The following GALNTL5 variants were observed in gnomAD, a reference collection of about 807,000 sequenced individuals.
GALNTL5 encodes polypeptide N-acetylgalactosaminyltransferase like 5.
In GALNTL5, 44 loss-of-function variants were observed where a neutral mutation model predicts 51.0. That is an observed-to-expected ratio of 0.86 (90% CI 0.68 to 1.11). The LOEUF is 1.11. Among genes scored for constraint, GALNTL5 ranks in the 50% least tolerant of loss-of-function variants. The pLI, the probability that GALNTL5 is intolerant of heterozygous loss-of-function variation, is 0.00. For synonymous variants in GALNTL5, 192 were observed against 182.8 expected (o/e 1.05, Z -0.41); for missense variants, 528 against 531.8 (o/e 0.99, Z 0.07).
intron 4 of GALNTL5, among the ~76,000 whole-genome samples, chr7:151,983,387 A>T (rs749506640): frequency 6.6e-6 from 1 of 152,120 alleles, no homozygotes; most frequent in African/African-American, 2.4e-5. Context: ...CATGTTGGTC[A>T]GGCTGGTCTC....
intron 3 of GALNTL5, among the ~76,000 whole-genome samples, chr7:151,978,227 A>G (rs761850583): frequency 6.6e-6 from 1 of 152,234 alleles, no homozygotes; most frequent in African/African-American, 2.4e-5. Context: ...TTTAATTTCT[A>G]TATAATTTAC....
At chr7:151,982,351 T>C (rs1338716921) in intron 3 of GALNTL5, among the ~76,000 whole-genome samples, 3 of 152,022 alleles carry the variant, frequency 2.0e-5, no homozygotes, top group East Asian at 3.9e-4. Flanking sequence ...GAGGCAGAGG[T>C]TGCAGTGAGC....
intron 4 of GALNTL5, among the ~76,000 whole-genome samples, chr7:151,983,897 G>A (rs1222885728): frequency 6.6e-6 from 1 of 152,136 alleles, no homozygotes; most frequent in African/African-American, 2.4e-5. Flanking sequence ...GCAGGGGGGA[G>A]GTGGGCAAAA....
intron 1 of GALNTL5, among the ~76,000 whole-genome samples, chr7:151,966,954 C>T (rs138655486): frequency 3.7e-4 from 57 of 152,244 alleles, no homozygotes; most frequent in African/African-American, 1.3e-3. Flanking sequence ...CCTATATGTA[C>T]ACGAGTATGG....
chr7:151,962,307 C>G (rs1202957641), intron 1 of GALNTL5, among the ~76,000 whole-genome samples: 1 of 151,904 alleles, frequency 6.6e-6, no homozygotes, highest in Non-Finnish European at 1.5e-5. Context: ...AGCCCACCTT[C>G]ATATTTTAAA....
intron 3 of GALNTL5, among the ~76,000 whole-genome samples, chr7:151,982,354 C>A (rs1274969944): frequency 2.0e-5 from 3 of 152,166 alleles, no homozygotes; most frequent in African/African-American, 7.2e-5. Flanking sequence ...GCAGAGGTTG[C>A]AGTGAGCCAA....
intron 1 of GALNTL5, among the ~76,000 whole-genome samples, chr7:151,965,626 C>G (rs1040118521): frequency 8.5e-5 from 13 of 152,138 alleles, no homozygotes; most frequent in African/African-American, 3.1e-4. Context: ...CACCTGTAAT[C>G]CCAACACTTT....
chr7:152,002,511 C>T (rs1004380085), intron 5 of GALNTL5, among the ~76,000 whole-genome samples: 4 of 152,176 alleles, frequency 2.6e-5, no homozygotes, highest in East Asian at 1.9e-4. Flanking sequence ...TACTGGCTTC[C>T]CCTCAACATC....
rs1228813380 is a variant in GALNTL5 at position 151,959,334 on chromosome 7, T to C, written c.-40+2725T>C. ...AAAATTTAGATATTTAATAGGGAGA[T>C]ATGGTGGTAATGTAAATTAAAACAG... On this transcript the variant is annotated intron_variant, in intron 1 of 8. Transcript: ENST00000392800. 2.6e-5 allele frequency among the ~76,000 whole-genome samples: 4 copies of C among 152,152 alleles called. No homozygotes were observed. The East Asian group carries it at 5.8e-4, about 22-fold the overall frequency.
chr7:151,987,175 A>G lies in GALNTL5; in HGVS notation c.552A>G (p.Lys184=). The change falls in exon 5 of 9, where the codon AAA becomes AAG. Residue 184 remains lysine, a synonymous_variant. Transcript: ENST00000392800. ...TTTTTCCAGATGATTTGAAAGAAAAACTAGACTATCACCTGGAAACTTTTC... is the reference window on the plus strand; with the variant it reads ...TTTTTCCAGATGATTTGAAAGAAAAGCTAGACTATCACCTGGAAACTTTTC... ...DMSKVDDLKE[K]LDYHLETFRG... 2 of 1,589,430 alleles carry G rather than the reference A, an allele frequency of 1.3e-6. No individual in the cohort carries two copies. Among genetic ancestry groups the G allele is most frequent in the Non-Finnish European group, 8.5e-7 (1 of 1,172,184 alleles).
At chr7:151,963,490 C>T (rs1314674664) in intron 1 of GALNTL5, among the ~76,000 whole-genome samples, 5 of 152,224 alleles carry the variant, frequency 3.3e-5, no homozygotes, top group Non-Finnish European at 7.3e-5. Context: ...CTCGGCCTCC[C>T]GGGTTCAAGC....
chr7:151,976,551 T>C (rs149608391), intron 3 of GALNTL5, among the ~76,000 whole-genome samples: 1,577 of 152,232 alleles, frequency 0.01, 13 homozygotes, highest in South Asian at 0.016. Context: ...CAGCATCAGT[T>C]AGGTCTTGTT....
At chr7:151,993,306 A>G (rs2151952162) in intron 5 of GALNTL5, among the ~76,000 whole-genome samples, 1 of 151,214 alleles carries the variant, frequency 6.6e-6, no homozygotes, top group Non-Finnish European at 1.5e-5. Flanking sequence ...TTTTCACTTT[A>G]CCAGACTCAT....
At chr7:152,011,560 T>C (rs2081739061) in intron 7 of GALNTL5, among the ~76,000 whole-genome samples, 1 of 152,188 alleles carries the variant, frequency 6.6e-6, no homozygotes. Context: ...AGAGAAGCCC[T>C]TTTCTCTGCC....
At chr7:151,983,955 C>T (rs1460653534) in intron 4 of GALNTL5, among the ~76,000 whole-genome samples, 1 of 152,148 alleles carries the variant, frequency 6.6e-6, no homozygotes. Flanking sequence ...TGGCTCACAC[C>T]TGCAATCCCA....
At chr7:152,006,554 A>C (rs2081645782) in intron 6 of GALNTL5, among the ~76,000 whole-genome samples, 1 of 152,146 alleles carries the variant, frequency 6.6e-6, no homozygotes. Flanking sequence ...CATCTCCAAA[A>C]TATGCCAGGA....
intron 6 of GALNTL5, among the ~76,000 whole-genome samples, chr7:152,005,441 C>A (rs2081631269): frequency 6.6e-6 from 1 of 152,166 alleles, no homozygotes; most frequent in African/African-American, 2.4e-5. Context: ...GCCTGCACAC[C>A]AAATGGACGG....
intron 5 of GALNTL5, among the ~76,000 whole-genome samples, chr7:151,991,310 C>T (rs2081426388): frequency 6.6e-6 from 1 of 152,160 alleles, no homozygotes; most frequent in Admixed American, 6.5e-5. Flanking sequence ...TCAGGCTGGT[C>T]TCAAGTTCCC....
chr7:152,000,098 A>T (rs942301815), intron 5 of GALNTL5, among the ~76,000 whole-genome samples: 1 of 152,234 alleles, frequency 6.6e-6, no homozygotes, highest in Admixed American at 6.5e-5. Flanking sequence ...AAGTGAACTA[A>T]TGTTAGTTTT....
Sources: gnomAD v4.1 joint callset for allele counts (sites outside exome capture counted in the v4.1 genomes callset) on GRCh38, gnomAD v4.1.1 for gene constraint, MANE v1.5 for transcripts, NCBI Gene and HGNC (gene_info 2026-07-23, HGNC 2026-07-21) for gene names.